OSBPL1A: variants seen among roughly 807,000 people sequenced by gnomAD.
OSBPL1A encodes oxysterol binding protein like 1A, also known as oxysterol-binding protein-related protein 1.
In OSBPL1A, 80 loss-of-function variants were observed where a neutral mutation model predicts 137.1. The observed-to-expected ratio is 0.58, with a 90% CI of 0.49 to 0.70. OSBPL1A has a LOEUF of 0.70. Among genes scored for constraint, OSBPL1A ranks in the 30% least tolerant of loss-of-function variants. OSBPL1A has a pLI of 0.00. For missense variants in OSBPL1A, 970 were observed against 1,129.4 expected, an observed-to-expected ratio of 0.86 and a Z score of 2.02; for synonymous variants, 365 against 389.7, an observed-to-expected ratio of 0.94 and a Z score of 0.75.
intron 15 of OSBPL1A, among the ~76,000 whole-genome samples, chr18:24,249,269 A>T (rs1231378719): frequency 1.3e-5 from 2 of 152,274 alleles, no homozygotes; most frequent in East Asian, 3.8e-4. Flanking sequence ...TCATTTCCAA[A>T]TTTTTTCAGA....
chr18:24,254,721 C>CA (rs951769876), intron 15 of OSBPL1A, among the ~76,000 whole-genome samples: 76 of 148,684 alleles, frequency 5.1e-4, no homozygotes, highest in Admixed American at 1.3e-3. Context: ...GTGCCTACAT[C>CA]AAAAAAAAAG....
chr18:24,382,899 AG>A (rs1906701577), intron 1 of OSBPL1A, among the ~76,000 whole-genome samples: 1 of 152,116 alleles, frequency 6.6e-6, no homozygotes, highest in African/African-American at 2.4e-5. Context: ...TGAAAGAAAA[AG>A]AAAAAAATGT....
At chr18:24,365,648 G>A (rs995061733) in intron 4 of OSBPL1A, among the ~76,000 whole-genome samples, 3 of 151,900 alleles carry the variant, frequency 2.0e-5, no homozygotes, top group Non-Finnish European at 4.4e-5. Context: ...ACAATTCAGT[G>A]GTACCCTGGG....
At chr18:24,198,389 T>C (rs1053009069) in intron 17 of OSBPL1A, among the ~76,000 whole-genome samples, 6 of 152,210 alleles carry the variant, frequency 3.9e-5, no homozygotes, top group African/African-American at 1.4e-4. Context: ...TATCCTATAC[T>C]CATTTTTATG....
At chr18:24,284,851 CTA>C (rs1471401930) in intron 14 of OSBPL1A, among the ~76,000 whole-genome samples, 1 of 152,088 alleles carries the variant, frequency 6.6e-6, no homozygotes, top group East Asian at 1.9e-4. Context: ...ACAAAAAAAA[CTA>C]TTTTCTTTCA....
At chr18:24,341,204 G>A (rs1009377509) in intron 5 of OSBPL1A, among the ~76,000 whole-genome samples, 2 of 151,946 alleles carry the variant, frequency 1.3e-5, no homozygotes, top group African/African-American at 4.8e-5. Flanking sequence ...CAGGGGTTTC[G>A]CCATGTTGCC....
chr18:24,384,542 T>C (rs1906809829), intron 1 of OSBPL1A, among the ~76,000 whole-genome samples: 1 of 143,264 alleles, frequency 7.0e-6, no homozygotes, highest in Non-Finnish European at 1.5e-5. Flanking sequence ...CACTCCAGCC[T>C]GGGTGACAGA....
At chr18:24,351,701 A>G (rs1470628533) in intron 4 of OSBPL1A, among the ~76,000 whole-genome samples, 3 of 152,088 alleles carry the variant, frequency 2.0e-5, no homozygotes, top group African/African-American at 7.2e-5. Context: ...CACCATGCGC[A>G]GATAATTTTT....
chr18:24,234,333 A>T (rs2088375104), intron 16 of OSBPL1A, among the ~76,000 whole-genome samples: 2 of 152,112 alleles, frequency 1.3e-5, no homozygotes, highest in African/African-American at 4.8e-5. Context: ...TTCCTTAAAC[A>T]CACCCACTCC....
intron 13 of OSBPL1A, among the ~76,000 whole-genome samples, chr18:24,307,871 C>A (rs2090534524): frequency 6.6e-6 from 1 of 151,938 alleles, no homozygotes; most frequent in Admixed American, 6.6e-5. Flanking sequence ...CTCACTGCAG[C>A]CTCCGCCTCG....
intron 7 of OSBPL1A, among the ~76,000 whole-genome samples, chr18:24,326,904 C>T (rs1323138714): frequency 6.6e-6 from 1 of 152,106 alleles, no homozygotes; most frequent in Non-Finnish European, 1.5e-5. Flanking sequence ...ATATACTTTT[C>T]TAGTGCTTTT....
chr18:24,225,632 T>A (rs1295579218), intron 16 of OSBPL1A, among the ~76,000 whole-genome samples: 1 of 151,992 alleles, frequency 6.6e-6, no homozygotes, highest in Non-Finnish European at 1.5e-5. Flanking sequence ...TTAAATTACA[T>A]CCAATACTGT....
At chr18:24,385,472 G>A (rs539463813) in intron 1 of OSBPL1A, among the ~76,000 whole-genome samples, 17 of 152,168 alleles carry the variant, frequency 1.1e-4, no homozygotes, top group Non-Finnish European at 1.9e-4. Context: ...TGGAATAAAT[G>A]AGAACCCTCA....
chr18:24,385,003 G>A (rs1171933414), intron 1 of OSBPL1A, among the ~76,000 whole-genome samples: 3 of 149,786 alleles, frequency 2.0e-5, no homozygotes. Flanking sequence ...TGGCCAGGCT[G>A]GAGTGCAGTG....
intron 15 of OSBPL1A, among the ~76,000 whole-genome samples, chr18:24,242,043 G>A (rs766256211): frequency 4.0e-5 from 6 of 150,410 alleles, no homozygotes; most frequent in Non-Finnish European, 5.9e-5. Context: ...ATCAAACACC[G>A]AATGTTCTCA....
chr18:24,251,228 T>C (rs145396712), intron 15 of OSBPL1A, among the ~76,000 whole-genome samples: 53 of 152,316 alleles, frequency 3.5e-4, no homozygotes, highest in African/African-American at 1.3e-3. Context: ...CTTTGCCACC[T>C]GGTGACTACG....
At chr18:24,182,297 T>C (rs942975314) in intron 18 of OSBPL1A, among the ~76,000 whole-genome samples, 8 of 152,368 alleles carry the variant, frequency 5.3e-5, no homozygotes, top group Admixed American at 6.5e-5. Flanking sequence ...CTGTTTACCA[T>C]GTGCCACCAG....
At chr18:24,295,517 T>C (rs1187238212) in intron 14 of OSBPL1A, among the ~76,000 whole-genome samples, 3 of 152,244 alleles carry the variant, frequency 2.0e-5, no homozygotes, top group African/African-American at 7.2e-5. Flanking sequence ...AATATTATCT[T>C]CTAGAATTGT....
At chr18:24,355,703 G>A (rs1398022011) in intron 4 of OSBPL1A, among the ~76,000 whole-genome samples, 10 of 151,940 alleles carry the variant, frequency 6.6e-5, no homozygotes, top group Admixed American at 3.3e-4. Context: ...TCATGATACC[G>A]GCTGAGCGCA....
Sources: allele counts gnomAD v4.1 joint callset (sites outside exome capture counted in the v4.1 genomes callset), GRCh38; gene constraint gnomAD v4.1.1; transcripts MANE v1.5; gene names NCBI Gene and HGNC (gene_info 2026-07-23, HGNC 2026-07-21).